TMEM154: variants seen among roughly 807,000 people sequenced by gnomAD.
TMEM154 encodes the protein transmembrane protein 154.
Under a neutral mutation model 24.5 loss-of-function variants are expected in TMEM154, and 27 were observed. That is an observed-to-expected ratio of 1.10 (90% confidence interval 0.81 to 1.52). The LOEUF is 1.52. Among genes scored for constraint, TMEM154 ranks in the 40% most tolerant of loss-of-function variants. TMEM154 has a pLI of 0.00. For synonymous variants in TMEM154, 67 were observed against 76.8 expected, an observed-to-expected ratio of 0.87 and a Z score of 0.67; for missense variants, 228 against 213.4, an observed-to-expected ratio of 1.07 and a Z score of -0.43.
At chr4:152,669,130 A>C (rs1044738070) in intron 1 of TMEM154, 2 of 152,224 alleles carry the variant, frequency 1.3e-5, no homozygotes, top group African/African-American at 4.8e-5. Flanking sequence ...ACGTGATTAC[A>C]TTCACAGATT....
rs1357383035 is a variant in TMEM154 at position 152,618,724 on chromosome 4, C to A, written c.*9822G>T. On this transcript the variant is annotated 3_prime_UTR_variant, in exon 7 of 7. Coordinates refer to ENST00000304385, the MANE Select transcript of TMEM154 (RefSeq NM_152680.3). Reference sequence around the variant, plus strand: ...CAAATTGGGGCCACTTTCTCTCCACCTCCACTTGCTTGTTAGTTCAATTAT... The same window carrying A: ...CAAATTGGGGCCACTTTCTCTCCACATCCACTTGCTTGTTAGTTCAATTAT... 2 of 152,220 alleles carry A rather than the reference C, an allele frequency of 1.3e-5. No homozygotes were observed. The highest frequency in any genetic ancestry group is 3.8e-4 in the East Asian group (2 of 5,204). 9.4% of individuals were successfully genotyped at this position (152,220 alleles called of 1,614,324 possible). A position where few individuals can be genotyped will look rare whatever the true frequency, so the allele number is the denominator to read the frequency against.
chr4:152,631,132 A>G lies in TMEM154; in HGVS notation c.537-2571T>C, dbSNP rs1752032424. Among the ~76,000 whole-genome samples the G allele has an allele frequency of 3.9e-5, 6 of 152,334 alleles. 1 individual carries two copies. The South Asian group carries it at 1.2e-3, about 32-fold the overall frequency. On this transcript the variant is annotated intron_variant, in intron 6 of 6. Coordinates refer to ENST00000304385, the MANE Select transcript of TMEM154 (RefSeq NM_152680.3). ...AAAAGGAATTGTTAGGTCAAATTAT[A>G]TACAATTTTAAAGCTTTAATGGCCC...
intron 3 of TMEM154, among the ~76,000 whole-genome samples, chr4:152,646,360 AG>A (rs1358124357): frequency 6.6e-6 from 1 of 152,172 alleles, no homozygotes. Context: ...CAGAGCAAAA[AG>A]CTTTCTACGG....
chr4:152,658,458 A>C (rs1309050718), intron 1 of TMEM154, among the ~76,000 whole-genome samples: 1 of 152,162 alleles, frequency 6.6e-6, no homozygotes, highest in Admixed American at 6.5e-5. Context: ...AACTAAATGA[A>C]ATAGAGACTA....
intron 6 of TMEM154, among the ~76,000 whole-genome samples, chr4:152,629,814 A>G (rs561552915): frequency 3.3e-5 from 5 of 152,340 alleles, no homozygotes; most frequent in African/African-American, 1.2e-4. Context: ...ACATAGATAG[A>G]TAGACAGACA....
At position 152,644,492 on chromosome 4, in the gene TMEM154, A is replaced by G. The variant is rs1010905735; in HGVS notation, c.365-50T>C. 1.9e-6 allele frequency: 3 copies of G among 1,593,508 alleles called. No individual in the cohort carries two copies. The African/African-American group carries it at 4.0e-5, about 21-fold the overall frequency. ...CATGTTAGCTTTGTTCTTCTGTAACAACTTTTAATTTCAACAACAGCTGAA... is the reference window on the plus strand; with the variant it reads ...CATGTTAGCTTTGTTCTTCTGTAACGACTTTTAATTTCAACAACAGCTGAA... On this transcript the variant is annotated intron_variant, in intron 3 of 6. Transcript: ENST00000304385.
Position 152,652,746 on chromosome 4 carries a change from G to A in TMEM154, c.246C>T (p.Ile82=). The A allele has an allele frequency of 6.2e-7, 1 of 1,613,980 alleles. No individual in the cohort carries two copies. The highest frequency in any genetic ancestry group is 8.5e-7 in the Non-Finnish European group (1 of 1,179,940). The change falls in exon 2 of 7, where the codon ATC becomes ATT. Residue 82 remains isoleucine, a synonymous_variant. Coordinates refer to ENST00000304385, the MANE Select transcript of TMEM154 (RefSeq NM_152680.3). ...GTAAGAGGACCAATAAAATCAATGGGATTAACACCATCAGTATAAACTCTA... is the reference window on the plus strand; with the variant it reads ...GTAAGAGGACCAATAAAATCAATGGAATTAACACCATCAGTATAAACTCTA... ...NQLEFILMVL[I]PLILLVLLLL...
rs187704325 is a variant in TMEM154 at position 152,657,981 on chromosome 4, G to A, written c.65-5054C>T. Among the ~76,000 whole-genome samples the A allele has an allele frequency of 1.9e-4, 29 of 152,184 alleles. 1 individual carries two copies. The highest frequency in any genetic ancestry group is 1.4e-3 in the Admixed American group (22 of 15,282). ...ACTGGCCCTAAAAGAAATGCTTAAG[G>A]GAGTCCACTGAGAAGCAAAAGAACA... On this transcript the variant is annotated intron_variant, in intron 1 of 6. Transcript: ENST00000304385.
At chr4:152,664,088 T>C (rs770924655) in intron 1 of TMEM154, among the ~76,000 whole-genome samples, 5 of 152,188 alleles carry the variant, frequency 3.3e-5, no homozygotes, top group Non-Finnish European at 7.3e-5. Context: ...AACACATACG[T>C]GCACTGTTTA....
At chr4:152,662,129 T>C (rs1486617656) in intron 1 of TMEM154, among the ~76,000 whole-genome samples, 2 of 152,178 alleles carry the variant, frequency 1.3e-5, no homozygotes, top group African/African-American at 2.4e-5. Context: ...AATAAACCTC[T>C]CTGCTCATCC....
chr4:152,644,739 G>A (rs1373294934), intron 3 of TMEM154, among the ~76,000 whole-genome samples: 1 of 152,182 alleles, frequency 6.6e-6, no homozygotes, highest in African/African-American at 2.4e-5. Flanking sequence ...GAAAACATTG[G>A]TAAGGAAAGG....
intron 6 of TMEM154, among the ~76,000 whole-genome samples, chr4:152,631,431 G>C (rs1164279235): frequency 1.3e-5 from 2 of 152,112 alleles, no homozygotes; most frequent in African/African-American, 4.8e-5. Flanking sequence ...ATTTAAAGTG[G>C]AACAATTATT....
At chr4:152,656,991 C>T (rs1291145599) in intron 1 of TMEM154, among the ~76,000 whole-genome samples, 2 of 150,604 alleles carry the variant, frequency 1.3e-5, no homozygotes, top group Non-Finnish European at 3.0e-5. Context: ...TAAAAAAGAA[C>T]CAAACAAATT....
intron 6 of TMEM154, among the ~76,000 whole-genome samples, chr4:152,629,048 A>G (rs926154883): frequency 6.6e-6 from 1 of 152,154 alleles, no homozygotes; most frequent in Non-Finnish European, 1.5e-5. Flanking sequence ...TCCAGCTTAC[A>G]ATTTCTGAAA....
chr4:152,629,810 A>G (rs1751998356), intron 6 of TMEM154, among the ~76,000 whole-genome samples: 2 of 152,202 alleles, frequency 1.3e-5, no homozygotes, highest in Admixed American at 1.3e-4. Flanking sequence ...ACACACATAG[A>G]TAGATAGACA....
At position 152,628,556 on chromosome 4, in the gene TMEM154, C is replaced by T. The variant is rs776338233; in HGVS notation, c.542G>A (p.Ser181Asn). The T allele has an allele frequency of 6.0e-6, 3 of 498,660 alleles. No individual in the cohort carries two copies. Among genetic ancestry groups the T allele is most frequent in the Admixed American group, 6.8e-5 (2 of 29,366 alleles). The allele number at this position is 498,660 out of a possible 1,614,324, so 30.9% of individuals were successfully genotyped here. ...GAGCGCCATTCAGGTTTAGGATTCACTGTCACTGTAAAAAAAAAAAAAAAA... is the reference window on the plus strand; with the variant it reads ...GAGCGCCATTCAGGTTTAGGATTCATTGTCACTGTAAAAAAAAAAAAAAAA... ...EKESNHNPSD[S>N]ES The change falls in exon 7 of 7, where the codon AGT becomes AAT. Residue 181 changes from serine (S) to asparagine (N), a missense_variant. Ser to Asn is a conservative substitution (Grantham distance 46). Transcript: ENST00000304385.
chr4:152,655,781 A>G (rs915034557), intron 1 of TMEM154, among the ~76,000 whole-genome samples: 1 of 152,174 alleles, frequency 6.6e-6, no homozygotes, highest in Non-Finnish European at 1.5e-5. Flanking sequence ...GGTTGCTCCC[A>G]CTGAAAGCAA....
chr4:152,679,920 C>A lies in TMEM154; in HGVS notation c.14G>T (p.Arg5Leu), dbSNP rs754726917. The change falls in exon 1 of 7, where the codon CGC becomes CTC. Residue 5 changes from arginine to leucine, a missense_variant. By Grantham distance (102) the Arg-to-Leu change is moderately radical. Coordinates refer to ENST00000304385, the MANE Select transcript of TMEM154 (RefSeq NM_152680.3). Reference sequence around the variant, plus strand: ...CACCAGGGCGAAGACTAGGGCTGCGCGGGGAGCCTGCATGTCCGCTCGCCT... The same window carrying A: ...CACCAGGGCGAAGACTAGGGCTGCGAGGGGAGCCTGCATGTCCGCTCGCCT... MQAP[R>L]AALVFALVIA... is the part of the protein sequence containing the mutation. The A allele has an allele frequency of 6.8e-6, 11 of 1,610,150 alleles. No individual in the cohort carries two copies. In the Admixed American group the frequency reaches 1.8e-4, roughly 27 times the overall value.
At chr4:152,647,109 G>C (rs1300317454) in intron 3 of TMEM154, 22 of 1,316,728 alleles carry the variant, frequency 1.7e-5, no homozygotes, top group Non-Finnish European at 1.0e-6. Context: ...TGTTCTAAAA[G>C]TTTTGGCCAA....
Sources: allele counts gnomAD v4.1 joint callset (sites outside exome capture counted in the v4.1 genomes callset), GRCh38; gene constraint gnomAD v4.1.1; transcripts MANE v1.5; gene names NCBI Gene and HGNC (gene_info 2026-07-23, HGNC 2026-07-21).